CDKAL1: variants seen among roughly 807,000 people sequenced by gnomAD.
The protein encoded by CDKAL1 is threonylcarbamoyladenosine tRNA methylthiotransferase.
In CDKAL1, 32 loss-of-function variants were observed where a neutral mutation model predicts 68.2. The observed-to-expected ratio is 0.47, with a 90% CI of 0.35 to 0.63. The LOEUF (loss-of-function observed/expected upper bound fraction) is 0.63. Among genes scored for constraint, CDKAL1 ranks in the 30% least tolerant of loss-of-function variants. The pLI, the probability that CDKAL1 is intolerant of heterozygous loss-of-function variation, is 0.00. For missense variants in CDKAL1, 606 were observed against 696.7 expected, an observed-to-expected ratio of 0.87 and a Z score of 1.47; for synonymous variants, 234 against 244.3, an observed-to-expected ratio of 0.96 and a Z score of 0.39.
At chr6:20,792,204 T>C (rs1775925381) in intron 8 of CDKAL1, among the ~76,000 whole-genome samples, 2 of 152,202 alleles carry the variant, frequency 1.3e-5, no homozygotes, top group South Asian at 4.1e-4. Context: ...AATGTTTTGT[T>C]TGGCTTTTTA....
Position 21,069,774 on chromosome 6 carries a change from CTTTTTTTT to C in CDKAL1, c.1236+4569_1236+4576del, listed in dbSNP as rs60241965. 2.3e-4 allele frequency among the ~76,000 whole-genome samples: 16 copies of C among 69,948 alleles called. 1 individual carries two copies. Among genetic ancestry groups the C allele is most frequent in the East Asian group, 1.2e-3 (3 of 2,526 alleles). 45.9% of individuals were successfully genotyped at this position (69,948 alleles called of 152,430 possible). The stretch of plus-strand genomic sequence containing the variant: ...CAATAAAATCCCCCAGATTTTCTTT[CTTTTTTTT>C]TTTTTTTTTTTTTTTTTTTTTTAAA... On this transcript the variant is annotated intron_variant, in intron 12 of 15. Coordinates refer to ENST00000274695, the MANE Select transcript of CDKAL1 (RefSeq NM_017774.3).
intron 8 of CDKAL1, among the ~76,000 whole-genome samples, chr6:20,797,932 T>G (rs2150400260): frequency 6.6e-6 from 1 of 151,934 alleles, no homozygotes; most frequent in East Asian, 1.9e-4. Flanking sequence ...TCTTCCCACC[T>G]CAGCCCCCGG....
At chr6:20,621,862 C>T (rs1767210547) in intron 4 of CDKAL1, among the ~76,000 whole-genome samples, 1 of 151,230 alleles carries the variant, frequency 6.6e-6, no homozygotes, top group Admixed American at 6.6e-5. Context: ...TCAGCCATTT[C>T]TCCAAGAAGC....
rs376555826 is a variant in CDKAL1, at chr6:21,060,825, G to C, written c.1056-4223G>C. Among the ~76,000 whole-genome samples the C allele has an allele frequency of 1.2e-4, 18 of 152,172 alleles. No individual in the cohort carries two copies. In the East Asian group the frequency reaches 3.5e-3, roughly 29 times the overall value. On this transcript the variant is annotated intron_variant, in intron 11 of 15. Coordinates refer to ENST00000274695, the MANE Select transcript of CDKAL1 (RefSeq NM_017774.3). ...GATAAGAATTATTTATTTTAATCAT[G>C]TGTTTTGTTTATGTCTATAATTTTG...
chr6:21,159,706 G>A (rs755024295), intron 13 of CDKAL1, among the ~76,000 whole-genome samples: 7 of 152,216 alleles, frequency 4.6e-5, no homozygotes, highest in Non-Finnish European at 8.8e-5. Flanking sequence ...GGTTCTCACA[G>A]ATAATCCACT....
intron 9 of CDKAL1, among the ~76,000 whole-genome samples, chr6:20,919,920 C>T (rs1031931375): frequency 6.6e-6 from 1 of 152,098 alleles, no homozygotes; most frequent in Non-Finnish European, 1.5e-5. Context: ...TGCTTAGATT[C>T]CAGGTTTGCT....
intron 15 of CDKAL1, among the ~76,000 whole-genome samples, chr6:21,230,388 C>T (rs1327092320): frequency 1.3e-5 from 2 of 152,240 alleles, no homozygotes; most frequent in Non-Finnish European, 2.9e-5. Context: ...TCTCAAACCT[C>T]TGACCTCAAG....
At chr6:20,616,839 CCA>C (rs756883799) in intron 4 of CDKAL1, among the ~76,000 whole-genome samples, 4,866 of 121,280 alleles carry the variant, frequency 0.04, 180 homozygotes, top group African/African-American at 0.094. Context: ...CCCGACTCTA[CCA>C]CACACACACA....
chr6:20,558,207 G>C (rs1256989920), intron 4 of CDKAL1, among the ~76,000 whole-genome samples: 1 of 152,306 alleles, frequency 6.6e-6, no homozygotes, highest in African/African-American at 2.4e-5. Context: ...CAAAATAAAA[G>C]CGAAGTACCA....
chr6:20,741,687 T>C (rs1308740312), intron 6 of CDKAL1, among the ~76,000 whole-genome samples: 23 of 152,176 alleles, frequency 1.5e-4, no homozygotes, highest in Admixed American at 1.5e-3. Flanking sequence ...CCATAGTGTA[T>C]ATGTACCACA....
chr6:20,597,781 A>C (rs956881372), intron 4 of CDKAL1, among the ~76,000 whole-genome samples: 1 of 152,178 alleles, frequency 6.6e-6, no homozygotes, highest in Non-Finnish European at 1.5e-5. Context: ...ACCCTGCCGG[A>C]TACCCATTTT....
At chr6:20,748,873 T>C (rs1011536435) in intron 6 of CDKAL1, among the ~76,000 whole-genome samples, 1 of 152,026 alleles carries the variant, frequency 6.6e-6, no homozygotes, top group African/African-American at 2.4e-5. Context: ...TTAATTGGAA[T>C]TAAAATGACA....
chr6:21,191,953 AG>A (rs1778256575), intron 13 of CDKAL1, among the ~76,000 whole-genome samples: 1 of 143,416 alleles, frequency 7.0e-6, no homozygotes, highest in Non-Finnish European at 1.5e-5. Flanking sequence ...AGAGAAAGCA[AG>A]GGATAGTTTT....
intron 13 of CDKAL1, among the ~76,000 whole-genome samples, chr6:21,120,062 T>C (rs1223058985): frequency 6.6e-6 from 1 of 152,214 alleles, no homozygotes; most frequent in African/African-American, 2.4e-5. Context: ...CTCTCACCTC[T>C]TGCTACCACT....
chr6:20,707,861 C>T (rs567975326), intron 5 of CDKAL1, among the ~76,000 whole-genome samples: 19 of 152,154 alleles, frequency 1.2e-4, no homozygotes, highest in Admixed American at 4.6e-4. Context: ...TAAAAATGTA[C>T]GTTTTAGAAG....
At chr6:20,868,573 A>G (rs965706777) in intron 9 of CDKAL1, among the ~76,000 whole-genome samples, 3 of 152,258 alleles carry the variant, frequency 2.0e-5, no homozygotes, top group African/African-American at 4.8e-5. Flanking sequence ...GCATTGTGAT[A>G]AAAGAAATAG....
At chr6:21,118,622 G>A (rs1009174313) in intron 13 of CDKAL1, among the ~76,000 whole-genome samples, 1 of 152,172 alleles carries the variant, frequency 6.6e-6, no homozygotes, top group East Asian at 1.9e-4. Flanking sequence ...AAACGTATAC[G>A]TTAACACTCT....
intron 12 of CDKAL1, among the ~76,000 whole-genome samples, chr6:21,084,246 A>T (rs912620357): frequency 6.6e-6 from 1 of 152,148 alleles, no homozygotes; most frequent in Non-Finnish European, 1.5e-5. Flanking sequence ...GGTTATTTCT[A>T]ATAGTTTTAA....
intron 2 of CDKAL1, among the ~76,000 whole-genome samples, chr6:20,543,174 G>A (rs1763454729): frequency 6.6e-6 from 1 of 152,162 alleles, no homozygotes; most frequent in South Asian, 2.1e-4. Flanking sequence ...ATTTCTCTTG[G>A]ATAATTGCCC....
Sources: allele counts gnomAD v4.1 joint callset (sites outside exome capture counted in the v4.1 genomes callset), GRCh38; gene constraint gnomAD v4.1.1; transcripts MANE v1.5; gene names NCBI Gene and HGNC (gene_info 2026-07-23, HGNC 2026-07-21).